Variants in ULK4 observed in about 807,000 individuals in gnomAD.
ULK4 encodes unc-51 like kinase 4.
A neutral mutation model predicts 160.6 loss-of-function variants in ULK4; 133 were observed. The ratio of observed to expected loss-of-function variants is 0.83; its 90% CI spans 0.72 to 0.96. ULK4 has a LOEUF of 0.96. Among genes scored for constraint, ULK4 ranks in the 40% least tolerant of loss-of-function variants. ULK4 has a pLI of 0.00. For missense variants in ULK4, 1,580 were observed against 1,499.5 expected, an observed-to-expected ratio of 1.05 and a Z score of -0.89; for synonymous variants, 534 against 539.8, an observed-to-expected ratio of 0.99 and a Z score of 0.15.
At chr3:41,758,257 C>A (rs988975182) in intron 21 of ULK4, among the ~76,000 whole-genome samples, 13 of 152,106 alleles carry the variant, frequency 8.5e-5, no homozygotes, top group Admixed American at 4.6e-4. Context: ...ATAAATTACC[C>A]CGTCTAAGGT....
chr3:41,898,009 CAGTCATGAACCACCT>C (rs1003603046), intron 14 of ULK4, among the ~76,000 whole-genome samples: 1 of 152,180 alleles, frequency 6.6e-6, no homozygotes, highest in Non-Finnish European at 1.5e-5. Flanking sequence ...ACCACCTCCA[CAGTCATGAACCACCT>C]AGTCCCATTC....
At chr3:41,885,687 GT>G (rs765674796) in intron 16 of ULK4, among the ~76,000 whole-genome samples, 106 of 145,640 alleles carry the variant, frequency 7.3e-4, no homozygotes, top group Non-Finnish European at 8.4e-4. Context: ...TTTTTAAAAA[GT>G]TTTTTTTTTT....
At chr3:41,322,025 T>C (rs913498869) in intron 35 of ULK4, among the ~76,000 whole-genome samples, 2 of 140,016 alleles carry the variant, frequency 1.4e-5, no homozygotes, top group East Asian at 4.0e-4. Flanking sequence ...AAAGCTTTTA[T>C]TTTATTTTAT....
chr3:41,599,440 G>A (rs1250012703), intron 31 of ULK4, among the ~76,000 whole-genome samples: 1 of 152,114 alleles, frequency 6.6e-6, no homozygotes, highest in Non-Finnish European at 1.5e-5. Flanking sequence ...CAGGGATTAG[G>A]GCATGGACAT....
At chr3:41,567,136 T>A (rs2087808345) in intron 31 of ULK4, among the ~76,000 whole-genome samples, 2 of 152,174 alleles carry the variant, frequency 1.3e-5, no homozygotes, top group Admixed American at 6.5e-5. Flanking sequence ...TTTCTCCACC[T>A]CTCACCCACA....
chr3:41,349,451 CAA>C (rs369007005), intron 35 of ULK4, among the ~76,000 whole-genome samples: 141 of 152,226 alleles, frequency 9.3e-4, no homozygotes, highest in African/African-American at 3.4e-3. Context: ...TGACAAAAGC[CAA>C]ACTTCTCTAC....
intron 18 of ULK4, 128 bp from the exon 19 acceptor site, chr3:41,819,634 C>G (rs550199118): frequency 1.4e-6 from 1 of 696,866 alleles, no homozygotes; most frequent in Non-Finnish European, 2.3e-6. Context: ...TAAAGTATTA[C>G]TTACTATCTG....
At chr3:41,331,273 T>C (rs1330993079) in intron 35 of ULK4, among the ~76,000 whole-genome samples, 1 of 152,150 alleles carries the variant, frequency 6.6e-6, no homozygotes, top group Non-Finnish European at 1.5e-5. Context: ...CAGTGATGCA[T>C]GTAAGAGACA....
intron 31 of ULK4, among the ~76,000 whole-genome samples, chr3:41,600,640 G>A (rs528704343): frequency 1.1e-4 from 17 of 152,308 alleles, no homozygotes; most frequent in African/African-American, 4.1e-4. Flanking sequence ...CTGAATGGGG[G>A]TTCTAATCAC....
intron 1 of ULK4, among the ~76,000 whole-genome samples, chr3:41,960,848 C>T (rs1197692856): frequency 6.6e-6 from 1 of 152,122 alleles, no homozygotes; most frequent in Admixed American, 6.5e-5. Flanking sequence ...TAATGAATTA[C>T]TAAAGAGGGA....
intron 5 of ULK4, among the ~76,000 whole-genome samples, chr3:41,920,652 A>G (rs552379417): frequency 2.6e-4 from 40 of 152,196 alleles, no homozygotes; most frequent in South Asian, 1.0e-3. Context: ...CCGCCTCCCA[A>G]TGAGAATCTT....
intron 30 of ULK4, among the ~76,000 whole-genome samples, chr3:41,630,022 T>A (rs2125701979): frequency 6.6e-6 from 1 of 152,294 alleles, no homozygotes; most frequent in East Asian, 1.9e-4. Flanking sequence ...TGAGTAGCAC[T>A]AGCCTACGTA....
At chr3:41,871,551 T>A (rs1011114292) in intron 17 of ULK4, among the ~76,000 whole-genome samples, 12 of 152,260 alleles carry the variant, frequency 7.9e-5, no homozygotes, top group Admixed American at 6.5e-4. Flanking sequence ...ATTGCTTTAA[T>A]AGGTGTATAG....
chr3:41,912,065 C>T (rs7631785), intron 9 of ULK4, among the ~76,000 whole-genome samples: 7,162 of 151,640 alleles, frequency 0.047, 479 homozygotes, highest in African/African-American at 0.14. Context: ...TGGTGGCTCA[C>T]GCCTATAATC....
chr3:41,468,379 G>A (rs2083888067), intron 32 of ULK4, among the ~76,000 whole-genome samples: 3 of 152,106 alleles, frequency 2.0e-5, no homozygotes, highest in Admixed American at 6.6e-5. Context: ...GGAAATGGAG[G>A]CAAAGGTGCT....
At chr3:41,701,737 A>G (rs942479451) in intron 27 of ULK4, among the ~76,000 whole-genome samples, 5 of 152,230 alleles carry the variant, frequency 3.3e-5, no homozygotes, top group Admixed American at 2.6e-4. Flanking sequence ...ACAAAACAAG[A>G]TAGACTTGAA....
At chr3:41,303,820 G>C (rs1020068731) in intron 35 of ULK4, among the ~76,000 whole-genome samples, 4 of 152,110 alleles carry the variant, frequency 2.6e-5, no homozygotes, top group Non-Finnish European at 5.9e-5. Context: ...GTAGTATCTG[G>C]GATTGAATTT....
At chr3:41,636,957 CTTAATT>C (rs1402169883) in intron 30 of ULK4, among the ~76,000 whole-genome samples, 1 of 152,024 alleles carries the variant, frequency 6.6e-6, no homozygotes, top group Non-Finnish European at 1.5e-5. Context: ...ATTTATTAAT[CTTAATT>C]TTAAAATGTA....
intron 35 of ULK4, among the ~76,000 whole-genome samples, chr3:41,346,383 GGAA>G (rs923088894): frequency 2.0e-5 from 3 of 152,128 alleles, no homozygotes; most frequent in Non-Finnish European, 4.4e-5. Flanking sequence ...TGTCTCACAA[GGAA>G]CCCTAGGTTT....
Sources: allele counts gnomAD v4.1 joint callset (sites outside exome capture counted in the v4.1 genomes callset), GRCh38; gene constraint gnomAD v4.1.1; transcripts MANE v1.5; gene names NCBI Gene and HGNC (gene_info 2026-07-23, HGNC 2026-07-21).